PPP2R5E: variants seen among roughly 807,000 people sequenced by gnomAD.
The protein encoded by PPP2R5E is protein phosphatase 2 regulatory subunit B'epsilon, also known as serine/threonine-protein phosphatase 2A 56 kDa regulatory subunit epsilon isoform.
PPP2R5E carries 4 observed loss-of-function variants against 65.3 expected under a neutral mutation model. The ratio of observed to expected loss-of-function variants is 0.06; its 90% CI spans 0.03 to 0.14. The LOEUF is 0.14. Among genes scored for constraint, PPP2R5E ranks in the 10% least tolerant of loss-of-function variants. PPP2R5E has a pLI of 1.00. For synonymous variants in PPP2R5E, 183 were observed against 187.4 expected, an observed-to-expected ratio of 0.98 and a Z score of 0.19; for missense variants, 274 against 556.1, an observed-to-expected ratio of 0.49 and a Z score of 5.10.
At chr14:63,452,036 C>T (rs1888864755) in intron 3 of PPP2R5E, 1 of 152,040 alleles carries the variant, frequency 6.6e-6, no homozygotes, top group Non-Finnish European at 1.5e-5. Flanking sequence ...AATATGGCAA[C>T]TTTATATGTA....
At chr14:63,432,218 T>C (rs1374365730) in intron 3 of PPP2R5E, among the ~76,000 whole-genome samples, 1 of 152,006 alleles carries the variant, frequency 6.6e-6, no homozygotes, top group Admixed American at 6.5e-5. Flanking sequence ...TTTACTCTAC[T>C]GGGTATACAC....
chr14:63,466,145 C>T (rs1889781657), intron 2 of PPP2R5E, among the ~76,000 whole-genome samples: 1 of 151,810 alleles, frequency 6.6e-6, no homozygotes, highest in South Asian at 2.1e-4. Context: ...TGAAGATTAA[C>T]ATCAACACCA....
chr14:63,376,203 ACTTAG>A, intron 13 of PPP2R5E, 95 bp from the exon 14 acceptor site: 1 of 818,928 alleles, frequency 1.2e-6, no homozygotes, highest in South Asian at 1.9e-5. Context: ...ACTCCTTTAT[ACTTAG>A]CTTAATTGAG....
intron 3 of PPP2R5E, among the ~76,000 whole-genome samples, chr14:63,445,841 CAA>C (rs35724892): frequency 1.3e-4 from 15 of 114,888 alleles, no homozygotes; most frequent in South Asian, 6.0e-4. Context: ...GACTCCGTCT[CAA>C]AAAAAAAAAA....
At chr14:63,477,854 A>G (rs183479038) in intron 2 of PPP2R5E, among the ~76,000 whole-genome samples, 12 of 151,508 alleles carry the variant, frequency 7.9e-5, no homozygotes, top group African/African-American at 2.4e-4. Context: ...AGAGAAAAAA[A>G]TTTAAATATA....
chr14:63,449,708 T>G (rs2139461850), intron 3 of PPP2R5E, among the ~76,000 whole-genome samples: 1 of 149,882 alleles, frequency 6.7e-6, no homozygotes, highest in Middle Eastern at 3.4e-3. Flanking sequence ...GGGAAAACTA[T>G]GGCTACCCTC....
chr14:63,506,496 A>T (rs1245879034), intron 2 of PPP2R5E, among the ~76,000 whole-genome samples: 1 of 152,094 alleles, frequency 6.6e-6, no homozygotes, highest in Admixed American at 6.6e-5. Context: ...GATAATCCAA[A>T]AGTAGGCAAA....
chr14:63,439,361 T>TTTTTTTG (rs1888093733), intron 3 of PPP2R5E, among the ~76,000 whole-genome samples: 1 of 151,866 alleles, frequency 6.6e-6, no homozygotes, highest in Non-Finnish European at 1.5e-5. Context: ...TCTGTTTTTT[T>TTTTTTTG]TTTTTGTTTT....
chr14:63,444,644 TAC>T (rs1433045527), intron 3 of PPP2R5E, among the ~76,000 whole-genome samples: 5 of 151,476 alleles, frequency 3.3e-5, no homozygotes, highest in African/African-American at 1.2e-4. Flanking sequence ...CAATATAAAA[TAC>T]ACAGAGTTCA....
intron 2 of PPP2R5E, among the ~76,000 whole-genome samples, chr14:63,470,112 C>A (rs1353807228): frequency 6.6e-6 from 1 of 152,052 alleles, no homozygotes; most frequent in Non-Finnish European, 1.5e-5. Context: ...CACTCTGTCA[C>A]CCACGCTAGA....
chr14:63,456,882 C>G (rs1193792542), intron 2 of PPP2R5E, among the ~76,000 whole-genome samples: 1 of 142,784 alleles, frequency 7.0e-6, no homozygotes, highest in Admixed American at 6.7e-5. Flanking sequence ...TCCCCTCTAG[C>G]CCATGCACCA....
intron 2 of PPP2R5E, among the ~76,000 whole-genome samples, chr14:63,531,554 AATT>A (rs1893437120): frequency 6.6e-6 from 1 of 152,168 alleles, no homozygotes; most frequent in Non-Finnish European, 1.5e-5. Flanking sequence ...CCCCCAAAAA[AATT>A]ATTACCACAC....
intron 3 of PPP2R5E, among the ~76,000 whole-genome samples, chr14:63,430,389 A>ACATACATGCATG (rs1555359673): frequency 5.6e-5 from 8 of 142,590 alleles, no homozygotes; most frequent in African/African-American, 1.5e-4. Context: ...ATACATACAT[A>ACATACATGCATG]CATACATACA....
chr14:63,501,681 T>C (rs1325776427), intron 2 of PPP2R5E, among the ~76,000 whole-genome samples: 1 of 152,126 alleles, frequency 6.6e-6, no homozygotes. Flanking sequence ...AACTAATGAA[T>C]TGCACACTTT....
intron 2 of PPP2R5E, among the ~76,000 whole-genome samples, chr14:63,475,841 C>T (rs7153764): frequency 0.3 from 45,366 of 151,836 alleles, 8,425 homozygotes; most frequent in African/African-American, 0.53. Flanking sequence ...AGTTTCCATC[C>T]AAAAATATTC....
chr14:63,446,842 A>G lies in PPP2R5E; in HGVS notation c.354+6847T>C, dbSNP rs971718758. On this transcript the variant is annotated intron_variant, in intron 3 of 13. Transcript: ENST00000337537. ...AGACTCCATCTCAAAAAAAAAAAAA[A>G]AAAAAGAAAAAGAAAACAACATTCA... 7.9e-5 allele frequency among the ~76,000 whole-genome samples: 12 copies of G among 151,974 alleles called. 1 individual carries two copies. Among genetic ancestry groups the G allele is most frequent in the African/African-American group, 2.2e-4 (9 of 41,516 alleles).
rs544029166 is a variant in PPP2R5E at position 63,441,682 on chromosome 14, C to T, written c.354+12007G>A. Among the ~76,000 whole-genome samples, 6 of 152,190 alleles carry T rather than the reference C, an allele frequency of 3.9e-5. No individual in the cohort carries two copies. In the South Asian group the frequency reaches 6.2e-4, roughly 16 times the overall value. ...ATCCCAGCACTTTGGGAGGCCGAGG[C>T]GGGCAGATCATGAGGTCAGGAGATT... is the stretch of plus-strand genomic sequence containing the variant. On this transcript the variant is annotated intron_variant, in intron 3 of 13. Transcript: ENST00000337537.
At position 63,427,554 on chromosome 14, in the gene PPP2R5E, A is replaced by C. The variant is rs1475984451; in HGVS notation, c.355-5460T>G. 2.0e-5 allele frequency among the ~76,000 whole-genome samples: 3 copies of C among 152,160 alleles called. No individual in the cohort carries two copies. The East Asian group carries it at 5.8e-4, about 29-fold the overall frequency. Reference sequence around the variant, plus strand: ...CTCATGCCTGGGAGGCTAAGGCAGGAGGATCACTTGAGGCCAGGAGTTTAA... The same window carrying C: ...CTCATGCCTGGGAGGCTAAGGCAGGCGGATCACTTGAGGCCAGGAGTTTAA... On this transcript the variant is annotated intron_variant, in intron 3 of 13. Transcript: ENST00000337537.
intron 2 of PPP2R5E, among the ~76,000 whole-genome samples, chr14:63,501,619 G>A (rs868709624): frequency 3.9e-5 from 6 of 152,062 alleles, no homozygotes; most frequent in Admixed American, 6.6e-5. Flanking sequence ...TGATAAAAAT[G>A]TTCTAAAAAT....
Sources: gnomAD v4.1 joint callset for allele counts (sites outside exome capture counted in the v4.1 genomes callset) on GRCh38, gnomAD v4.1.1 for gene constraint, MANE v1.5 for transcripts, NCBI Gene and HGNC (gene_info 2026-07-23, HGNC 2026-07-21) for gene names.